Variants in GABRG3 observed in about 807,000 individuals in gnomAD.
GABRG3 encodes the protein gamma-aminobutyric acid receptor subunit gamma-3.
In GABRG3, 25 loss-of-function variants were observed where a neutral mutation model predicts 48.8. The observed-to-expected ratio is 0.51, with a 90% CI of 0.37 to 0.72. The LOEUF (loss-of-function observed/expected upper bound fraction) is 0.72, where lower values mean the gene tolerates loss of function less well. Ranked by LOEUF, GABRG3 falls within the 30% of genes least tolerant of loss-of-function variation. The pLI is 0.00. For synonymous variants in GABRG3, 227 were observed against 217.6 expected (o/e 1.04, Z -0.38); for missense variants, 394 against 577.9 (o/e 0.68, Z 3.26).
chr15:27,263,930 A>C (rs201383046), intron 3 of GABRG3, among the ~76,000 whole-genome samples: 5,609 of 102,016 alleles, frequency 0.055, 314 homozygotes, highest in African/African-American at 0.16. Flanking sequence ...TGTCAAAAAA[A>C]AAAAAAAAGA....
At chr15:27,347,015 T>G (rs1480228381) in intron 5 of GABRG3, among the ~76,000 whole-genome samples, 1 of 2,388 alleles carries the variant, frequency 4.2e-4, no homozygotes, top group Non-Finnish European at 8.5e-4. Context: ...GCATGCCTTA[T>G]AGTTTTTTAA....
At chr15:27,388,912 G>A (rs796441218) in intron 5 of GABRG3, among the ~76,000 whole-genome samples, 52 of 152,258 alleles carry the variant, frequency 3.4e-4, no homozygotes, top group African/African-American at 1.2e-3. Flanking sequence ...ATTTTTCCTC[G>A]CCTTAACCCA....
chr15:27,175,003 A>T (rs143827839), intron 3 of GABRG3, among the ~76,000 whole-genome samples: 8 of 152,308 alleles, frequency 5.3e-5, no homozygotes, highest in African/African-American at 1.9e-4. Context: ...TAGGAAATAC[A>T]TATTGTTTAA....
intron 3 of GABRG3, among the ~76,000 whole-genome samples, chr15:27,081,089 A>G (rs909327698): frequency 6.6e-6 from 1 of 152,204 alleles, no homozygotes; most frequent in African/African-American, 2.4e-5. Flanking sequence ...AGCCTGGCCC[A>G]CATCAGCAGG....
In GABRG3 at chr15:27,326,819, T is replaced by C; in HGVS notation, c.281T>C (p.Ile94Thr). ...TCTGCTCTGTTTCAGGAATACCAAA[T>C]TGACATATTTTTTGCTCAGACCTGG... ...PVSSINMEYQ[I>T]DIFFAQTWTD... is the part of the protein sequence containing the mutation. Residue 94 changes from isoleucine to threonine, a missense_variant, in exon 4 of 10, where the codon ATT (isoleucine) becomes ACT (threonine). By Grantham distance (89) the Ile-to-Thr change is moderately conservative. Coordinates refer to ENST00000615808, the MANE Select transcript of GABRG3 (RefSeq NM_033223.5). The C allele has an allele frequency of 1.9e-6, 3 of 1,613,280 alleles. No individual in the cohort carries two copies. Among genetic ancestry groups the C allele is most frequent in the Admixed American group, 1.7e-5 (1 of 60,018 alleles).
intron 5 of GABRG3, among the ~76,000 whole-genome samples, chr15:27,389,737 TTA>T (rs1378302125): frequency 6.6e-6 from 1 of 152,224 alleles, no homozygotes; most frequent in Admixed American, 6.5e-5. Flanking sequence ...ACACATCAAC[TTA>T]TATTTGGTAA....
At chr15:27,127,670 G>GT (rs1418261169) in intron 3 of GABRG3, among the ~76,000 whole-genome samples, 1 of 152,190 alleles carries the variant, frequency 6.6e-6, no homozygotes, top group African/African-American at 2.4e-5. Context: ...TGCTTAAGCA[G>GT]TGTTTGTTTT....
At chr15:27,172,604 C>T (rs2140411729) in intron 3 of GABRG3, among the ~76,000 whole-genome samples, 1 of 152,316 alleles carries the variant, frequency 6.6e-6, no homozygotes, top group Non-Finnish European at 1.5e-5. Flanking sequence ...CTGGTCTCCT[C>T]TCTCTTCTAG....
Position 27,447,553 on chromosome 15 carries a change from G to A in GABRG3, c.575-33097G>A, listed in dbSNP as rs1459360434. Among the ~76,000 whole-genome samples, 2 of 152,198 alleles carry A rather than the reference G, an allele frequency of 1.3e-5. No homozygotes were observed. Among genetic ancestry groups the A allele is most frequent in the African/African-American group, 4.8e-5 (2 of 41,456 alleles). On this transcript the variant is annotated intron_variant, in intron 5 of 9. Transcript: ENST00000615808. The surrounding 1 kb of genome is among the most constrained non-coding windows in gnomAD (Gnocchi z 4.0). ...TAGGGAGGATCTGAACTAGGCCAGAGATGACAGGGCTGAGAGATGGGGACA... is the reference window on the plus strand; with the variant it reads ...TAGGGAGGATCTGAACTAGGCCAGAAATGACAGGGCTGAGAGATGGGGACA...
At chr15:27,176,716 T>C (rs551039990) in intron 3 of GABRG3, among the ~76,000 whole-genome samples, 2 of 152,274 alleles carry the variant, frequency 1.3e-5, no homozygotes, top group South Asian at 4.1e-4. Flanking sequence ...TAGCCAGGCA[T>C]CACAGGACAG....
rs1221750932 is a variant in GABRG3 at position 27,541,630 on chromosome 15, C to T, written c.*8749C>T. ...CGCCCTGCCCCAGTGCGTGCGCCTC[C>T]TGCCCCAGCAGGGACCCGCCCTCAC... is the stretch of plus-strand genomic sequence containing the variant. On this transcript the variant is annotated 3_prime_UTR_variant, in exon 10 of 10. Coordinates refer to ENST00000615808, the MANE Select transcript of GABRG3 (RefSeq NM_033223.5). The T allele has an allele frequency of 2.0e-5, 3 of 152,348 alleles. No individual in the cohort carries two copies. The highest frequency in any genetic ancestry group is 7.2e-5 in the African/African-American group (3 of 41,468). 9.4% of individuals were successfully genotyped at this position (152,348 alleles called of 1,614,324 possible).
At chr15:27,142,198 A>G (rs565935747) in intron 3 of GABRG3, among the ~76,000 whole-genome samples, 1 of 152,264 alleles carries the variant, frequency 6.6e-6, no homozygotes, top group East Asian at 1.9e-4. Context: ...TTCATTCATT[A>G]TATTTTGGTC....
intron 3 of GABRG3, among the ~76,000 whole-genome samples, chr15:27,231,264 C>G (rs5028919): frequency 0.18 from 27,781 of 152,020 alleles, 3,540 homozygotes; most frequent in East Asian, 0.41. Flanking sequence ...TTCAAAAAAT[C>G]CTCTAACAGT....
intron 3 of GABRG3, among the ~76,000 whole-genome samples, chr15:27,256,660 A>G (rs891312391): frequency 6.6e-6 from 1 of 152,126 alleles, no homozygotes; most frequent in Non-Finnish European, 1.5e-5. Context: ...AGTTGTTTAC[A>G]TACGTCTTCT....
rs1888176641 is a variant in GABRG3 at position 27,423,134 on chromosome 15, AC to A, written c.575-57513del. ...GAAATTCAGGGCTCCCAACAGTGAA[AC>A]CCAGTGTACATCATCAAGAGTTATG... On this transcript the variant is annotated intron_variant, in intron 5 of 9. Transcript: ENST00000615808. Among the ~76,000 whole-genome samples the A allele has an allele frequency of 2.0e-5, 3 of 150,950 alleles. No homozygotes were observed. In the South Asian group the frequency reaches 6.3e-4, roughly 32 times the overall value.
At chr15:27,431,837 C>A (rs1007287558) in intron 5 of GABRG3, among the ~76,000 whole-genome samples, 4 of 152,178 alleles carry the variant, frequency 2.6e-5, no homozygotes, top group Non-Finnish European at 5.9e-5. Flanking sequence ...ATTAAACCAA[C>A]CTTGCATTCA....
intron 3 of GABRG3, among the ~76,000 whole-genome samples, chr15:27,084,170 T>C (rs1376845782): frequency 1.3e-5 from 2 of 152,240 alleles, no homozygotes; most frequent in African/African-American, 4.8e-5. Context: ...GATAAACTGA[T>C]GGAATGTTGA....
At chr15:27,499,509 CT>C (rs1175527963) in intron 6 of GABRG3, among the ~76,000 whole-genome samples, 1 of 152,208 alleles carries the variant, frequency 6.6e-6, no homozygotes, top group Admixed American at 6.5e-5. Context: ...AGCCAACTCC[CT>C]TTTGATATAA....
At chr15:27,035,747 T>C (rs984075125) in intron 3 of GABRG3, among the ~76,000 whole-genome samples, 2 of 152,176 alleles carry the variant, frequency 1.3e-5, no homozygotes, top group Non-Finnish European at 2.9e-5. Context: ...GACGAGGCAC[T>C]GTTATGGGCC....
Sources: allele counts gnomAD v4.1 joint callset (sites outside exome capture counted in the v4.1 genomes callset), GRCh38; gene constraint gnomAD v4.1.1; non-coding constraint Gnocchi (gnomAD v3.1); transcripts MANE v1.5; gene names NCBI Gene and HGNC (gene_info 2026-07-23, HGNC 2026-07-21).